CD96: variants seen among roughly 807,000 people sequenced by gnomAD.
CD96 encodes CD96 molecule, also known as T-cell surface protein tactile.
CD96 carries 70 observed loss-of-function variants against 71.3 expected under a neutral mutation model. The observed-to-expected ratio is 0.98, with a 90% CI of 0.81 to 1.20. The LOEUF (loss-of-function observed/expected upper bound fraction) is 1.20. Ranked by LOEUF, CD96 falls within the 50% of genes most tolerant of loss-of-function variation. The pLI is 0.00. For missense variants in CD96, 742 were observed against 677.5 expected, an observed-to-expected ratio of 1.10 and a Z score of -1.06; for synonymous variants, 248 against 233.0, an observed-to-expected ratio of 1.06 and a Z score of -0.59.
downstream of CD96, among the ~76,000 whole-genome samples, chr3:111,655,370 T>C (rs1449075890): frequency 1.3e-5 from 2 of 152,170 alleles, no homozygotes; most frequent in Admixed American, 6.6e-5. Context: ...TTGCCTTCAG[T>C]GAATGTAAAA....
intron 5 of CD96, among the ~76,000 whole-genome samples, chr3:111,586,549 A>G: frequency 6.6e-6 from 1 of 152,356 alleles, no homozygotes; most frequent in East Asian, 1.9e-4. Flanking sequence ...AAGACTGGGT[A>G]ATTTATACAG....
At position 111,578,950 on chromosome 3, in the gene CD96, A is replaced by G. The variant is rs907314075; in HGVS notation, c.544-77A>G. The G allele has an allele frequency of 1.4e-5, 11 of 790,896 alleles. No homozygotes were observed. In the Admixed American group the frequency reaches 1.7e-4, roughly 12 times the overall value. The allele number at this position is 790,896 out of a possible 1,614,324, so 49.0% of individuals were successfully genotyped here. ...TCTCTACTTTACAAAAAGTAAATGA[A>G]TCAGTGCTTGTCGAATGCCTAGTTC... On this transcript the variant is annotated intron_variant, in intron 3 of 13. Transcript: ENST00000352690.
At chr3:111,612,173 G>A (rs191467773) in intron 8 of CD96, among the ~76,000 whole-genome samples, 82 of 152,312 alleles carry the variant, frequency 5.4e-4, no homozygotes, top group Non-Finnish European at 3.2e-4. Context: ...GGTGATAGTT[G>A]CAAGAGCAGG....
chr3:111,648,251 T>C (rs764581323), intron 13 of CD96, among the ~76,000 whole-genome samples: 3 of 152,252 alleles, frequency 2.0e-5, no homozygotes, highest in Non-Finnish European at 4.4e-5. Context: ...AGCCTCATTT[T>C]TCTGACTTGC....
chr3:111,631,147 G>A (rs1209257239), intron 10 of CD96, among the ~76,000 whole-genome samples: 1 of 152,110 alleles, frequency 6.6e-6, no homozygotes, highest in Admixed American at 6.6e-5. Flanking sequence ...TCTGGCCAGG[G>A]CAGCCAGGCA....
At chr3:111,662,731 G>C (rs931761524) in intron 14 of CD96, among the ~76,000 whole-genome samples, 2 of 152,188 alleles carry the variant, frequency 1.3e-5, no homozygotes, top group African/African-American at 4.8e-5. Context: ...ATCTCCATCT[G>C]AGACAACCAC....
At position 111,542,300 on chromosome 3, in the gene CD96, T is replaced by C. The variant is rs1218777591; in HGVS notation, c.52T>C (p.Phe18Leu). ...CAVYYIIQIH[F>L]VKGVWEKTVN... is the part of the protein sequence containing the mutation. ...TGTCTATTACATCATCCAGATACAT[T>C]TTGTCAAGGGTAAGACTTCCAGTTG... is the stretch of plus-strand genomic sequence containing the variant. The change falls in exon 1 of 14, where the codon TTT becomes CTT. Residue 18 changes from phenylalanine to leucine, a missense_variant. Physicochemically the swap from Phe to Leu is conservative, Grantham distance 22 (BLOSUM62 0). Transcript: ENST00000352690. 1 of 1,613,546 alleles carries C rather than the reference T, an allele frequency of 6.2e-7. No individual in the cohort carries two copies. The highest frequency in any genetic ancestry group is 1.3e-5 in the African/African-American group (1 of 74,890).
rs868490498 is a variant in CD96 at position 111,612,757 on chromosome 3, C to T, written c.1180+5965C>T. 5.9e-5 allele frequency: 18 copies of T among 307,422 alleles called. No individual in the cohort carries two copies. The Admixed American group carries it at 6.5e-4, about 11-fold the overall frequency. 19.0% of individuals were successfully genotyped at this position (307,422 alleles called of 1,614,324 possible). On this transcript the variant is annotated intron_variant, in intron 8 of 13. Transcript: ENST00000352690. ...TGAATAAATCCCTTCTAGTGTGAAG[C>T]TGTTATAGGTCTTAGGAAAAGGTCA...
rs1185450854 is a variant in CD96 at position 111,572,897 on chromosome 3, C to T, written c.543+5250C>T. ...GGCTGTGTTAAGTGTGTTAATGGGACAGACTCTGCATTTTGGGAAGTTACA... is the reference window on the plus strand; with the variant it reads ...GGCTGTGTTAAGTGTGTTAATGGGATAGACTCTGCATTTTGGGAAGTTACA... On this transcript the variant is annotated intron_variant, in intron 3 of 13. Coordinates refer to ENST00000352690, the MANE Select transcript of CD96 (RefSeq NM_005816.5). Among the ~76,000 whole-genome samples the T allele has an allele frequency of 3.3e-5, 5 of 152,298 alleles. No individual in the cohort carries two copies. In the East Asian group the frequency reaches 7.7e-4, roughly 24 times the overall value.
chr3:111,621,347 T>TGA (rs908756707), intron 8 of CD96, among the ~76,000 whole-genome samples: 4 of 152,174 alleles, frequency 2.6e-5, no homozygotes, highest in African/African-American at 9.7e-5. Context: ...ATTCTCAGCA[T>TGA]GAGAGAGAGA....
chr3:111,613,009 T>A (rs1938033376), intron 8 of CD96: 1 of 158,406 alleles, frequency 6.3e-6, no homozygotes, highest in Non-Finnish European at 1.4e-5. Flanking sequence ...TTTCCTTGAA[T>A]CCTGGGAAAT....
chr3:111,644,660 A>C (rs1939743299), intron 12 of CD96, among the ~76,000 whole-genome samples: 1 of 152,188 alleles, frequency 6.6e-6, no homozygotes, highest in Non-Finnish European at 1.5e-5. Flanking sequence ...TAACTCAAAC[A>C]AATTAGTAAG....
chr3:111,542,864 C>G (rs1485737485), intron 1 of CD96, among the ~76,000 whole-genome samples: 2 of 152,154 alleles, frequency 1.3e-5, no homozygotes, highest in African/African-American at 4.8e-5. Flanking sequence ...GGAACGAGAG[C>G]CTAATGGGCC....
At chr3:111,602,775 A>C (rs1440655087) in intron 7 of CD96, among the ~76,000 whole-genome samples, 3 of 152,222 alleles carry the variant, frequency 2.0e-5, no homozygotes, top group Admixed American at 6.5e-5. Context: ...ATTGTTGACA[A>C]GATACTGAGA....
At chr3:111,560,400 C>T (rs1244733289) in intron 2 of CD96, among the ~76,000 whole-genome samples, 2 of 149,590 alleles carry the variant, frequency 1.3e-5, no homozygotes, top group Admixed American at 6.6e-5. Flanking sequence ...TTAGGGCAGG[C>T]CTGGTGGTGA....
intron 3 of CD96, among the ~76,000 whole-genome samples, chr3:111,572,011 A>G (rs991729986): frequency 5.9e-5 from 9 of 152,230 alleles, no homozygotes; most frequent in African/African-American, 2.2e-4. Flanking sequence ...CCCCACATTC[A>G]TGCAAGTGCA....
intron 8 of CD96, among the ~76,000 whole-genome samples, chr3:111,619,337 A>G (rs1244982583): frequency 6.6e-6 from 1 of 152,240 alleles, no homozygotes; most frequent in Non-Finnish European, 1.5e-5. Flanking sequence ...AAACCTCCTC[A>G]TGTAACCTCA....
Position 111,596,824 on chromosome 3 carries a change from T to C in CD96, c.808-1296T>C, listed in dbSNP as rs183465858. Among the ~76,000 whole-genome samples the C allele has an allele frequency of 2.8e-3, 419 of 152,302 alleles. 3 individuals carry two copies. The highest frequency in any genetic ancestry group is 9.4e-3 in the African/African-American group (389 of 41,568). On this transcript the variant is annotated intron_variant, in intron 5 of 13. Transcript: ENST00000352690. ...GACTAGCATCCCTGGCCCATATATGTATCCCCATTATCTGGAAAGGCAAGT... is the reference window on the plus strand; with the variant it reads ...GACTAGCATCCCTGGCCCATATATGCATCCCCATTATCTGGAAAGGCAAGT...
intron 10 of CD96, among the ~76,000 whole-genome samples, chr3:111,628,158 A>G (rs1938871557): frequency 6.6e-6 from 1 of 152,268 alleles, no homozygotes; most frequent in Admixed American, 6.5e-5. Flanking sequence ...GCAATGGTTC[A>G]GATCTGGGCT....
Sources: allele counts gnomAD v4.1 joint callset (sites outside exome capture counted in the v4.1 genomes callset), GRCh38; gene constraint gnomAD v4.1.1; transcripts MANE v1.5; gene names NCBI Gene and HGNC (gene_info 2026-07-23, HGNC 2026-07-21).